TTC7B: variants seen among roughly 807,000 people sequenced by gnomAD.
The protein encoded by TTC7B is tetratricopeptide repeat domain 7B, also known as tetratricopeptide repeat protein 7B.
A neutral mutation model predicts 106.8 loss-of-function variants in TTC7B; 28 were observed. The observed-to-expected ratio is 0.26, with a 90% confidence interval of 0.19 to 0.36. TTC7B has a LOEUF of 0.36. Among genes scored for constraint, TTC7B ranks in the 10% least tolerant of loss-of-function variants. The probability of loss-of-function intolerance (pLI) is 1.00; values close to 1 mark genes in which losing one functional copy is unlikely to be tolerated. For synonymous variants in TTC7B, 405 were observed against 430.6 expected, an observed-to-expected ratio of 0.94 and a Z score of 0.74; for missense variants, 862 against 1,076.4, an observed-to-expected ratio of 0.80 and a Z score of 2.79.
intron 4 of TTC7B, among the ~76,000 whole-genome samples, chr14:90,740,454 G>A (rs942458805): frequency 5.6e-5 from 8 of 143,618 alleles, no homozygotes; most frequent in Non-Finnish European, 9.1e-5. Context: ...AAATTCTCCC[G>A]AAAAAGTTAC....
intron 5 of TTC7B, among the ~76,000 whole-genome samples, chr14:90,723,862 A>G (rs1888988124): frequency 1.3e-5 from 2 of 152,198 alleles, no homozygotes; most frequent in African/African-American, 4.8e-5. Flanking sequence ...AACATATACT[A>G]GTACTGAGCA....
intron 3 of TTC7B, among the ~76,000 whole-genome samples, chr14:90,751,715 C>T (rs972033874): frequency 5.9e-5 from 9 of 152,078 alleles, no homozygotes; most frequent in Admixed American, 2.0e-4. Flanking sequence ...TAGACATGAG[C>T]CACTGGCCCC....
intron 9 of TTC7B, chr14:90,676,317 T>A (rs1736493859): frequency 2.3e-6 from 1 of 444,318 alleles, no homozygotes; most frequent in Non-Finnish European, 4.0e-6. Context: ...ACTCTCATGG[T>A]AAAAGACTAG....
At chr14:90,611,874 G>C (rs1179378863) in intron 16 of TTC7B, among the ~76,000 whole-genome samples, 2 of 152,154 alleles carry the variant, frequency 1.3e-5, no homozygotes, top group African/African-American at 2.4e-5. Flanking sequence ...GCTCCAAAAA[G>C]AACCACGTCT....
intron 14 of TTC7B, 119 bp downstream of exon 14, chr14:90,646,832 G>T: frequency 2.1e-6 from 2 of 949,064 alleles, no homozygotes; most frequent in Non-Finnish European, 3.4e-6. Context: ...AGGGTTCCTG[G>T]CTCCAGGTCA....
chr14:90,652,703 G>T, intron 13 of TTC7B, 138 bp downstream of exon 13: 1 of 855,074 alleles, frequency 1.2e-6, no homozygotes, highest in Non-Finnish European at 1.9e-6. Context: ...TGTGTGCTGT[G>T]TGTTCGGTGC....
At chr14:90,746,710 G>T (rs1488108937) in intron 3 of TTC7B, among the ~76,000 whole-genome samples, 3 of 152,174 alleles carry the variant, frequency 2.0e-5, no homozygotes, top group African/African-American at 7.2e-5. Context: ...GGTATTTAGT[G>T]TCAGCAATTT....
In TTC7B at chr14:90,757,140, C is replaced by G. The variant is rs1047250717; in HGVS notation, c.446-12218G>C. On this transcript the variant is annotated intron_variant, in intron 3 of 19. Coordinates refer to ENST00000328459, the MANE Select transcript of TTC7B (RefSeq NM_001010854.2). This position sits in a 1 kb window ranked among gnomAD's most constrained non-coding sequence, Gnocchi z 4.1. ...GGCCCCACAGCGCCCCCTCACAACC[C>G]CTACTACCACATCTCTGGGTTTCCT... Among the ~76,000 whole-genome samples, 2 of 152,166 alleles carry G rather than the reference C, an allele frequency of 1.3e-5. No homozygotes were observed. The highest frequency in any genetic ancestry group is 2.4e-5 in the African/African-American group (1 of 41,444).
At chr14:90,574,114 T>G in intron 19 of TTC7B, among the ~76,000 whole-genome samples, 1 of 152,218 alleles carries the variant, frequency 6.6e-6, no homozygotes, top group East Asian at 1.9e-4. Context: ...CTGTCCACCA[T>G]GAGCCATGCT....
rs1307034120 is a variant in TTC7B, at chr14:90,525,657, T to A, written c.*15711A>T. The A allele has an allele frequency of 6.7e-6, 1 of 150,060 alleles. No individual in the cohort carries two copies. The highest frequency in any genetic ancestry group is 2.5e-5 in the African/African-American group (1 of 40,774). The allele number at this position is 150,060 out of a possible 1,614,324, so 9.3% of individuals were successfully genotyped here. A position where few individuals can be genotyped will look rare whatever the true frequency, so the allele number is the denominator to read the frequency against. ...AGCGGCGGATCTGCTCCTATAGATG[T>A]CCAGATTGTTAGACGGTGGGCTTCA... On this transcript the variant is annotated 3_prime_UTR_variant, in exon 20 of 20. Coordinates refer to ENST00000328459, the MANE Select transcript of TTC7B (RefSeq NM_001010854.2).
chr14:90,679,501 G>A (rs137945395), intron 8 of TTC7B, among the ~76,000 whole-genome samples: 1 of 152,308 alleles, frequency 6.6e-6, no homozygotes, highest in East Asian at 1.9e-4. Flanking sequence ...TGCCCCGGGG[G>A]TTGGCGGTAA....
chr14:90,610,607 C>A, intron 17 of TTC7B, 135 bp downstream of exon 17: 2 of 675,516 alleles, frequency 3.0e-6, no homozygotes, highest in Non-Finnish European at 5.4e-6. Flanking sequence ...CAATGCACCT[C>A]GGTTGAGTGT....
At chr14:90,708,006 C>T (rs996690602) in intron 5 of TTC7B, among the ~76,000 whole-genome samples, 9 of 151,790 alleles carry the variant, frequency 5.9e-5, no homozygotes, top group African/African-American at 1.9e-4. Context: ...ATTAGCCAGG[C>T]GTGGTGATGG....
At position 90,726,238 on chromosome 14, in the gene TTC7B, G is replaced by A. The variant is rs115563605; in HGVS notation, c.698+3837C>T. On this transcript the variant is annotated intron_variant, in intron 5 of 19. Transcript: ENST00000328459. Reference sequence around the variant, plus strand: ...CCGAGGGGAACCCGAGGGTGAGGCCGTTTCTCTGCTGCTAGCTGGGCTGTG... The same window carrying A: ...CCGAGGGGAACCCGAGGGTGAGGCCATTTCTCTGCTGCTAGCTGGGCTGTG... Among the ~76,000 whole-genome samples, 532 of 152,354 alleles carry A rather than the reference G, an allele frequency of 3.5e-3. 4 individuals carry two copies. Among genetic ancestry groups the A allele is most frequent in the African/African-American group, 0.012 (514 of 41,578 alleles).
chr14:90,652,487 T>TAA (rs536469316), intron 13 of TTC7B, among the ~76,000 whole-genome samples: 1,603 of 133,800 alleles, frequency 0.012, 33 homozygotes, highest in African/African-American at 0.044. Flanking sequence ...CATGTTTTTT[T>TAA]TAAAAAAAAA....
At position 90,812,408 on chromosome 14, in the gene TTC7B, G is replaced by A. The variant is rs10137752; in HGVS notation, c.121+3767C>T. Among the ~76,000 whole-genome samples, 1,326 of 152,276 alleles carry A rather than the reference G, an allele frequency of 8.7e-3. 22 individuals are homozygous for A. Among genetic ancestry groups the A allele is most frequent in the African/African-American group, 0.03 (1,249 of 41,558 alleles). ...TGTGCAGCTCTGTCTTTATCCCTGA[G>A]CGCTCAGGCTGCTGCCTCAGCTCCA... is the stretch of plus-strand genomic sequence containing the variant. On this transcript the variant is annotated intron_variant, in intron 1 of 19. Coordinates refer to ENST00000328459, the MANE Select transcript of TTC7B (RefSeq NM_001010854.2).
intron 5 of TTC7B, among the ~76,000 whole-genome samples, chr14:90,726,182 A>G (rs1228884548): frequency 6.6e-6 from 1 of 152,170 alleles, no homozygotes; most frequent in African/African-American, 2.4e-5. Flanking sequence ...GCAATGACTC[A>G]AGTAGGGAGT....
chr14:90,729,310 G>A (rs547714088), intron 5 of TTC7B, among the ~76,000 whole-genome samples: 1 of 152,324 alleles, frequency 6.6e-6, no homozygotes, highest in Admixed American at 6.5e-5. Flanking sequence ...TTTTTCCAGA[G>A]GCTGGGGCTT....
At chr14:90,617,240 C>A (rs1211539276) in intron 16 of TTC7B, among the ~76,000 whole-genome samples, 1 of 152,176 alleles carries the variant, frequency 6.6e-6, no homozygotes, top group African/African-American at 2.4e-5. Flanking sequence ...GGAGAGACAA[C>A]TGATGTCACC....
Sources: allele counts gnomAD v4.1 joint callset (sites outside exome capture counted in the v4.1 genomes callset), GRCh38; gene constraint gnomAD v4.1.1; non-coding constraint Gnocchi (gnomAD v3.1); transcripts MANE v1.5; gene names NCBI Gene and HGNC (gene_info 2026-07-23, HGNC 2026-07-21).